The following SH3GLB2 variants were observed in gnomAD, a reference collection of about 807,000 sequenced individuals.
SH3GLB2 encodes SH3 domain containing GRB2 like, endophilin B2, also known as endophilin-B2.
SH3GLB2 carries 24 observed loss-of-function variants against 48.0 expected under a neutral mutation model. The observed-to-expected ratio is 0.50, with a 90% CI of 0.36 to 0.70. SH3GLB2 has a LOEUF of 0.70. Ranked by LOEUF, SH3GLB2 falls within the 30% of genes least tolerant of loss-of-function variation. The pLI, the probability that SH3GLB2 is intolerant of heterozygous loss-of-function variation, is 0.00. For missense variants in SH3GLB2, 425 were observed against 516.0 expected (o/e 0.82, Z 1.71); for synonymous variants, 227 against 207.6 (o/e 1.09, Z -0.80).
chr9:129,009,193 G>T lies in SH3GLB2; in HGVS notation c.993C>A (p.Ala331=), dbSNP rs372769539. 47 of 1,611,030 alleles carry T rather than the reference G, an allele frequency of 2.9e-5. No individual in the cohort carries two copies. The highest frequency in any genetic ancestry group is 4.0e-5 in the African/African-American group (3 of 74,914). Residue 331 remains alanine (A), a synonymous_variant, in exon 10 of 11, where the codon GCC becomes GCA. Coordinates refer to ENST00000372564, the MANE Select transcript of SH3GLB2 (RefSeq NM_020145.4). ...GEASLCLEEV[A]PPASGTRKAR... is the part of the protein sequence containing the mutation. ...CTTTGCGGGTCCCACTGGCAGGGGG[G>T]GCCACCTCTTCCAGGCAGAGCGAGG...
intron 1 of SH3GLB2, 31 bp downstream of exon 1, chr9:129,028,061 C>T: frequency 6.7e-7 from 1 of 1,496,362 alleles, no homozygotes; most frequent in Non-Finnish European, 8.9e-7. Flanking sequence ...ACATCCGGGC[C>T]CCCGGCGCAC....
chr9:129,020,681 C>T (rs1007141045), intron 3 of SH3GLB2, among the ~76,000 whole-genome samples: 3 of 151,438 alleles, frequency 2.0e-5, no homozygotes, highest in African/African-American at 7.3e-5. Flanking sequence ...TCCTGGCTAA[C>T]ATGGTGAAAC....
At chr9:129,010,512 C>T (rs1843051284) in intron 7 of SH3GLB2, 158 bp downstream of exon 7, 1 of 824,094 alleles carries the variant, frequency 1.2e-6, no homozygotes, top group Non-Finnish European at 2.0e-6. Context: ...AAACATTTCC[C>T]CACAGAGGGG....
chr9:129,016,444 AG>A (rs1336831178), intron 3 of SH3GLB2, among the ~76,000 whole-genome samples: 2 of 150,252 alleles, frequency 1.3e-5, no homozygotes, highest in African/African-American at 4.9e-5. Context: ...GCGGATCATG[AG>A]GTCAGGAGTT....
At chr9:129,025,962 T>C (rs1357199372) in intron 1 of SH3GLB2, among the ~76,000 whole-genome samples, 1 of 152,128 alleles carries the variant, frequency 6.6e-6, no homozygotes, top group Non-Finnish European at 1.5e-5. Context: ...CTACTAATAG[T>C]ATTAGTACTA....
At position 129,011,110 on chromosome 9, in the gene SH3GLB2, G is replaced by A. The variant is rs996981051; in HGVS notation, c.625-417C>T. 5.1e-6 allele frequency: 1 copy of A among 194,982 alleles called. No homozygotes were observed. The highest frequency in any genetic ancestry group is 1.2e-4 in the South Asian group (1 of 8,066). The allele number at this position is 194,982 out of a possible 1,614,324, so 12.1% of individuals were successfully genotyped here. On this transcript the variant is annotated intron_variant, in intron 6 of 10. Coordinates refer to ENST00000372564, the MANE Select transcript of SH3GLB2 (RefSeq NM_020145.4). The surrounding 1 kb of genome is among the most constrained non-coding windows in gnomAD (Gnocchi z 4.5). ...CAGAGAAAGGTGGCCTCGTGCTTGA[G>A]TCACACTGGGACTCAATGGCAAAAG...
Position 129,009,043 on chromosome 9 carries a change from C to G in SH3GLB2, c.1080+63G>C, listed in dbSNP as rs1194510891. 5.6e-6 allele frequency: 9 copies of G among 1,594,904 alleles called. No homozygotes were observed. In the East Asian group the frequency reaches 1.8e-4, roughly 32 times the overall value. On this transcript the variant is annotated intron_variant, in intron 10 of 10. Transcript: ENST00000372564. Reference sequence around the variant, plus strand: ...CCCCTCCAGGCCCCATGTGCCTGATCCCAGTGCCCAGGCTGCTCCTCACCC... The same window carrying G: ...CCCCTCCAGGCCCCATGTGCCTGATGCCAGTGCCCAGGCTGCTCCTCACCC...
chr9:129,023,696 G>GGCGGCCACCAGGAGCTCA (rs1459259654), intron 1 of SH3GLB2, among the ~76,000 whole-genome samples: 1 of 151,890 alleles, frequency 6.6e-6, no homozygotes, highest in African/African-American at 2.4e-5. Flanking sequence ...TGGCGGGCTG[G>GGCGGCCACCAGGAGCTCA]GCGGCCACCA....
Position 129,010,698 on chromosome 9 carries a change from G to A in SH3GLB2, c.625-5C>T, listed in dbSNP as rs1422423254. The A allele has an allele frequency of 6.8e-6, 11 of 1,613,802 alleles. No homozygotes were observed. The highest frequency in any genetic ancestry group is 9.3e-6 in the Non-Finnish European group (11 of 1,179,950). On this transcript the variant is annotated splice_polypyrimidine_tract_variant and splice_region_variant and intron_variant, in intron 6 of 10. Coordinates refer to ENST00000372564, the MANE Select transcript of SH3GLB2 (RefSeq NM_020145.4). ...GTCCACTTCATCATTCCAGAGCTGT[G>A]GAGACGGCAGCAGGAGTGGCCAGCA...
chr9:129,009,608 T>A (rs1842984494), intron 9 of SH3GLB2, 163 bp downstream of exon 9: 6 of 1,450,014 alleles, frequency 4.1e-6, no homozygotes, highest in Non-Finnish European at 4.7e-6. Flanking sequence ...GGCCAGCCAC[T>A]CCACCCTCAT....
chr9:129,015,913 T>A, intron 3 of SH3GLB2: 1 of 249,558 alleles, frequency 4.0e-6, no homozygotes. Context: ...ATTCATCACA[T>A]ACAAGAGAGC....
Position 129,012,236 on chromosome 9 carries a change from C to T in SH3GLB2, c.624G>A (p.Ala208=), listed in dbSNP as rs17433059. 7 of 1,287,868 alleles carry T rather than the reference C, an allele frequency of 5.4e-6. No individual in the cohort carries two copies. Among genetic ancestry groups the T allele is most frequent in the Non-Finnish European group, 5.9e-6 (6 of 1,010,514 alleles). The allele number at this position is 1,287,868 out of a possible 1,614,324, so 79.8% of individuals were successfully genotyped here. ...TGGGGTGGGGGTGGGGTGCGCTTAC[C>T]GCGGAGGCGCTGGCCGAGAGAATGT... ...RNYILSASAS[A]LWNDEVDKAE... is the part of the protein sequence containing the mutation. The change falls in exon 6 of 11, where the codon GCG becomes GCA. Residue 208 remains alanine (A), a splice_region_variant and synonymous_variant. Coordinates refer to ENST00000372564, the MANE Select transcript of SH3GLB2 (RefSeq NM_020145.4).
At chr9:129,022,226 A>G in intron 2 of SH3GLB2, 56 bp downstream of exon 2, 33 of 1,597,744 alleles carry the variant, frequency 2.1e-5, no homozygotes, top group Non-Finnish European at 2.8e-5. Flanking sequence ...CAGGCCTCCT[A>G]CTGTATCCCT....
At chr9:129,012,113 A>G in intron 6 of SH3GLB2, 123 bp downstream of exon 6, 2 of 541,002 alleles carry the variant, frequency 3.7e-6, no homozygotes, top group Non-Finnish European at 5.6e-6. Context: ...GACTGACCTG[A>G]TCACATGGCA....
In SH3GLB2 at chr9:129,008,531, C is replaced by A. The variant is rs1019075257; in HGVS notation, c.*153G>T. The A allele has an allele frequency of 4.8e-6, 3 of 630,016 alleles. No individual in the cohort carries two copies. Among genetic ancestry groups the A allele is most frequent in the East Asian group, 5.8e-5 (2 of 34,726 alleles). The allele number at this position is 630,016 out of a possible 1,614,324, so 39.0% of individuals were successfully genotyped here. ...AGGGGTGGAGCCATTCAGCCTCAGGCACCCTCACAGCTAGGTGACTAGGGG... is the reference window on the plus strand; with the variant it reads ...AGGGGTGGAGCCATTCAGCCTCAGGAACCCTCACAGCTAGGTGACTAGGGG... On this transcript the variant is annotated 3_prime_UTR_variant, in exon 11 of 11. Coordinates refer to ENST00000372564, the MANE Select transcript of SH3GLB2 (RefSeq NM_020145.4).
In SH3GLB2 at chr9:129,014,494, G is replaced by A. The variant is rs1281194634; in HGVS notation, c.478C>T (p.Arg160Trp). The A allele has an allele frequency of 2.6e-6, 4 of 1,551,462 alleles. No individual in the cohort carries two copies. Among genetic ancestry groups the A allele is most frequent in the African/African-American group, 1.4e-5 (1 of 73,044 alleles). The change falls in exon 5 of 11, where the codon CGG becomes TGG. Residue 160 changes from arginine (R) to tryptophan (W), a missense_variant. Coordinates refer to ENST00000372564, the MANE Select transcript of SH3GLB2 (RefSeq NM_020145.4). This position sits in a 1 kb window ranked among gnomAD's most constrained non-coding sequence, Gnocchi z 4.1. ...GDWKTISKER[R>W]LLQNRRLDLD... is the part of the protein sequence containing the mutation. The stretch of plus-strand genomic sequence containing the variant: ...TCCAGACGCCGGTTTTGGAGGAGCC[G>A]CCTCTCCTTCTACAGGGCAGGGCAT...
chr9:129,014,786 G>A lies in SH3GLB2; in HGVS notation c.453C>T (p.Asp151=), dbSNP rs1181161412. 3 of 1,613,598 alleles carry A rather than the reference G, an allele frequency of 1.9e-6. No individual in the cohort carries two copies. Among genetic ancestry groups the A allele is most frequent in the Non-Finnish European group, 1.7e-6 (2 of 1,179,854 alleles). The stretch of plus-strand genomic sequence containing the variant: ...GGGCCCTCACCGAGATGGTCTTCCA[G>A]TCCCCCTCCAGGAAGTTGCGCAAGG... ...LTPLRNFLEG[D]WKTISKERRL... Residue 151 remains aspartate, a synonymous_variant, in exon 4 of 11, where the codon GAC becomes GAT. Transcript: ENST00000372564. The surrounding 1 kb of genome is among the most constrained non-coding windows in gnomAD (Gnocchi z 4.1).
rs1415999657 is a variant in SH3GLB2, at chr9:129,009,285, G to A, written c.901C>T (p.Pro301Ser). The A allele has an allele frequency of 1.3e-6, 2 of 1,558,786 alleles. No homozygotes were observed. Among genetic ancestry groups the A allele is most frequent in the African/African-American group, 1.4e-5 (1 of 74,054 alleles). ...PASPPLSSTS[P>S]TTAAATMPVV... ...GGCATAGTGGCCGCAGCAGTGGTGG[G>A]TGAGGTGCTGCTCAGGGGTGGGGAG... The change falls in exon 10 of 11, where the codon CCC (proline) becomes TCC (serine). Residue 301 changes from proline (P) to serine (S), a missense_variant. By Grantham distance (74) the Pro-to-Ser change is moderately conservative. Transcript: ENST00000372564.
rs17455482 is a variant in SH3GLB2, at chr9:129,009,272, G to A, written c.914C>T (p.Ala305Val). The part of the protein sequence containing the change: ...PLSSTSPTTA[A>V]ATMPVVPSVA... ...AGAGGGCACCACAGGCATAGTGGCC[G>A]CAGCAGTGGTGGGTGAGGTGCTGCT... The change falls in exon 10 of 11, where the codon GCG becomes GTG. Residue 305 changes from alanine to valine, a missense_variant. Ala to Val is a moderately conservative substitution (Grantham distance 64, BLOSUM62 0). Coordinates refer to ENST00000372564, the MANE Select transcript of SH3GLB2 (RefSeq NM_020145.4). 2.0e-3 allele frequency: 3,108 copies of A among 1,571,450 alleles called. 6 individuals are homozygous for A. Among genetic ancestry groups the A allele is most frequent in the South Asian group, 3.1e-3 (265 of 85,732 alleles).
Sources: gnomAD v4.1 joint callset for allele counts (sites outside exome capture counted in the v4.1 genomes callset) on GRCh38, gnomAD v4.1.1 for gene constraint, Gnocchi (gnomAD v3.1) non-coding constraint, MANE v1.5 for transcripts, NCBI Gene and HGNC (gene_info 2026-07-23, HGNC 2026-07-21) for gene names.